KLHL32: variants seen among roughly 807,000 people sequenced by gnomAD.
KLHL32 encodes the protein kelch like family member 32.
Under a neutral mutation model 64.8 loss-of-function variants are expected in KLHL32, and 35 were observed. The ratio of observed to expected loss-of-function variants is 0.54; its 90% CI spans 0.41 to 0.72. KLHL32 has a LOEUF of 0.72. Ranked by LOEUF, KLHL32 falls within the 30% of genes least tolerant of loss-of-function variation. The pLI is 0.00. For synonymous variants in KLHL32, 259 were observed against 281.0 expected, an observed-to-expected ratio of 0.92 and a Z score of 0.78; for missense variants, 589 against 768.5, an observed-to-expected ratio of 0.77 and a Z score of 2.76.
chr6:97,026,727 G>C (rs1782765179), intron 3 of KLHL32, among the ~76,000 whole-genome samples: 1 of 152,162 alleles, frequency 6.6e-6, no homozygotes, highest in Admixed American at 6.5e-5. Context: ...AAAAATAAGA[G>C]AGGGACTGTT....
intron 1 of KLHL32, among the ~76,000 whole-genome samples, chr6:96,935,736 T>C (rs534316196): frequency 6.6e-6 from 1 of 152,264 alleles, no homozygotes; most frequent in Non-Finnish European, 1.5e-5. Flanking sequence ...TGACCAAATG[T>C]GCAGAATAAA....
At chr6:96,954,182 G>C (rs1367777124) in intron 1 of KLHL32, among the ~76,000 whole-genome samples, 1 of 151,926 alleles carries the variant, frequency 6.6e-6, no homozygotes, top group East Asian at 1.9e-4. Flanking sequence ...AACAATGCCT[G>C]GGAGATAATT....
intron 3 of KLHL32, among the ~76,000 whole-genome samples, chr6:97,021,792 A>T (rs1035671868): frequency 1.3e-5 from 2 of 151,144 alleles, no homozygotes; most frequent in Non-Finnish European, 2.9e-5. Flanking sequence ...TTTAAGAGGC[A>T]TCACAAATCC....
chr6:96,985,437 A>C (rs1582588490), intron 3 of KLHL32, among the ~76,000 whole-genome samples: 1 of 152,206 alleles, frequency 6.6e-6, no homozygotes, highest in Non-Finnish European at 1.5e-5. Flanking sequence ...AGGTTGGGGA[A>C]GTTCTCCTAG....
At chr6:97,031,876 C>T (rs912769052) in intron 3 of KLHL32, among the ~76,000 whole-genome samples, 8 of 152,174 alleles carry the variant, frequency 5.3e-5, no homozygotes, top group African/African-American at 1.7e-4. Flanking sequence ...TCTCAGCTCT[C>T]GTTTCAATTG....
intron 3 of KLHL32, among the ~76,000 whole-genome samples, chr6:96,994,979 G>A (rs1056362004): frequency 2.6e-5 from 4 of 152,138 alleles, no homozygotes; most frequent in Non-Finnish European, 4.4e-5. Flanking sequence ...CAAATAGTAG[G>A]CACTATTTTA....
intron 3 of KLHL32, among the ~76,000 whole-genome samples, chr6:97,000,231 C>T (rs1778869492): frequency 6.6e-6 from 1 of 152,102 alleles, no homozygotes; most frequent in South Asian, 2.1e-4. Context: ...GAAAGGAAGG[C>T]TAACTCTAAG....
chr6:97,034,744 T>A (rs1206955801), intron 3 of KLHL32, among the ~76,000 whole-genome samples: 1 of 152,088 alleles, frequency 6.6e-6, no homozygotes, highest in Non-Finnish European at 1.5e-5. Context: ...TATGCCTAAG[T>A]ATTTTCTTTG....
intron 3 of KLHL32, among the ~76,000 whole-genome samples, chr6:97,013,833 T>C (rs1385139107): frequency 1.3e-5 from 2 of 152,202 alleles, no homozygotes; most frequent in Non-Finnish European, 2.9e-5. Flanking sequence ...CTGTGACTTA[T>C]TATATTGGGT....
At chr6:97,009,741 T>A (rs1445286541) in intron 3 of KLHL32, among the ~76,000 whole-genome samples, 1 of 152,202 alleles carries the variant, frequency 6.6e-6, no homozygotes, top group Non-Finnish European at 1.5e-5. Flanking sequence ...TTCATGCTCA[T>A]ACCTACTAAA....
At chr6:96,973,966 C>T (rs1775417646) in intron 2 of KLHL32, among the ~76,000 whole-genome samples, 1 of 152,090 alleles carries the variant, frequency 6.6e-6, no homozygotes, top group South Asian at 2.1e-4. Context: ...AAGTGATCCA[C>T]CTGCCTCAGC....
chr6:96,953,588 C>CCA (rs1772897111), intron 1 of KLHL32, among the ~76,000 whole-genome samples: 1 of 151,928 alleles, frequency 6.6e-6, no homozygotes, highest in Non-Finnish European at 1.5e-5. Flanking sequence ...CGAGATTGTA[C>CCA]CACTGTACTC....
At chr6:96,940,258 T>C (rs1771123357) in intron 1 of KLHL32, among the ~76,000 whole-genome samples, 2 of 152,286 alleles carry the variant, frequency 1.3e-5, no homozygotes, top group South Asian at 4.2e-4. Flanking sequence ...AATATGATTT[T>C]TGATTGAGAT....
chr6:96,943,096 A>C (rs1426776778), intron 1 of KLHL32, among the ~76,000 whole-genome samples: 1 of 151,906 alleles, frequency 6.6e-6, no homozygotes, highest in Non-Finnish European at 1.5e-5. Context: ...ACATATATGC[A>C]CATACATATA....
At chr6:97,065,654 C>T (rs1004674795) in intron 5 of KLHL32, among the ~76,000 whole-genome samples, 6 of 152,164 alleles carry the variant, frequency 3.9e-5, no homozygotes, top group African/African-American at 1.4e-4. Context: ...AATTTAATTC[C>T]ACTATCTTTG....
rs548651605 is a variant in KLHL32, at chr6:97,134,294, A to G, written c.1701+1547A>G. ...AAGCCACACACACATGAAGAGCCAC[A>G]TAAGACTTTAAGGGAGTTCACTGAA... On this transcript the variant is annotated intron_variant, in intron 10 of 10. Transcript: ENST00000369261. 2.6e-5 allele frequency among the ~76,000 whole-genome samples: 4 copies of G among 152,334 alleles called. No homozygotes were observed. The East Asian group carries it at 5.8e-4, about 22-fold the overall frequency.
intron 4 of KLHL32, among the ~76,000 whole-genome samples, chr6:97,048,013 T>G (rs923937239): frequency 6.6e-6 from 1 of 152,200 alleles, no homozygotes; most frequent in Non-Finnish European, 1.5e-5. Context: ...ATACACTATA[T>G]GCCAAGCACT....
At chr6:96,998,585 T>C (rs1037944220) in intron 3 of KLHL32, among the ~76,000 whole-genome samples, 1 of 152,222 alleles carries the variant, frequency 6.6e-6, no homozygotes. Context: ...AATTGGTGCA[T>C]GAATGTCACT....
chr6:97,077,494 A>G (rs955261007), intron 5 of KLHL32, among the ~76,000 whole-genome samples: 4 of 152,078 alleles, frequency 2.6e-5, no homozygotes, highest in African/African-American at 7.2e-5. Context: ...GGAAAGGGGG[A>G]AAAATCTAAC....
Sources: gnomAD v4.1 joint callset for allele counts (sites outside exome capture counted in the v4.1 genomes callset) on GRCh38, gnomAD v4.1.1 for gene constraint, MANE v1.5 for transcripts, NCBI Gene and HGNC (gene_info 2026-07-23, HGNC 2026-07-21) for gene names.